Variants in SEC24A observed in about 807,000 individuals in gnomAD.
SEC24A encodes protein transport protein Sec24A.
A neutral mutation model predicts 129.4 loss-of-function variants in SEC24A; 93 were observed. That is an observed-to-expected ratio of 0.72 (90% confidence interval 0.61 to 0.85). The LOEUF (loss-of-function observed/expected upper bound fraction) is 0.85. SEC24A is among the 40% of genes least tolerant of loss of function. The probability of loss-of-function intolerance (pLI) is 0.00; values close to 1 mark genes in which losing one functional copy is unlikely to be tolerated. For missense variants in SEC24A, 1,264 were observed against 1,307.4 expected (o/e 0.97, Z 0.51); for synonymous variants, 460 against 467.3 (o/e 0.98, Z 0.20).
intron 3 of SEC24A, among the ~76,000 whole-genome samples, chr5:134,670,217 G>C (rs1272758246): frequency 1.3e-5 from 2 of 152,122 alleles, no homozygotes; most frequent in Non-Finnish European, 2.9e-5. Flanking sequence ...AAGCGTCCAC[G>C]CCTTGCCTAC....
chr5:134,726,903 G>A lies in SEC24A; in HGVS notation c.*1809G>A, dbSNP rs1054965597. On this transcript the variant is annotated 3_prime_UTR_variant, in exon 23 of 23. Transcript: ENST00000398844. ...TCCTTGTGCCTCACTACATCCCTAA[G>A]TGGGTATGACTCTTGTTATTACCAC... 6.6e-6 allele frequency: 1 copy of A among 151,996 alleles called. No individual in the cohort carries two copies. Among genetic ancestry groups the A allele is most frequent in the African/African-American group, 2.4e-5 (1 of 41,422 alleles). The allele number at this position is 151,996 out of a possible 1,614,324, so 9.4% of individuals were successfully genotyped here.
chr5:134,650,455 G>A (rs1218391152), intron 1 of SEC24A, among the ~76,000 whole-genome samples: 1 of 152,048 alleles, frequency 6.6e-6, no homozygotes, highest in East Asian at 1.9e-4. Flanking sequence ...ATGTTAAAGG[G>A]ATTTGACCAC....
intron 3 of SEC24A, among the ~76,000 whole-genome samples, chr5:134,671,225 A>G (rs1005103573): frequency 6.6e-6 from 1 of 151,400 alleles, no homozygotes; most frequent in African/African-American, 2.4e-5. Context: ...CACCCAGCTA[A>G]TTTTTTTTGT....
At position 134,676,128 on chromosome 5, in the gene SEC24A, A is replaced by G; in HGVS notation, c.1254+3A>G. ...TTCATCCTTTCAAAGACTTAGTGGT[A>G]TGTTTCTTTTCTTTTCTTTTTTTTT... On this transcript the variant is annotated splice_donor_region_variant and intron_variant, in intron 7 of 22. Transcript: ENST00000398844. 1 of 1,578,400 alleles carries G rather than the reference A, an allele frequency of 6.3e-7. No individual in the cohort carries two copies. Among genetic ancestry groups the G allele is most frequent in the Non-Finnish European group, 8.6e-7 (1 of 1,160,362 alleles).
rs929035776 is a variant in SEC24A at position 134,726,108 on chromosome 5, G to C, written c.*1014G>C. 6 of 152,468 alleles carry C rather than the reference G, an allele frequency of 3.9e-5. No individual in the cohort carries two copies. Among genetic ancestry groups the C allele is most frequent in the African/African-American group, 1.2e-4 (5 of 41,428 alleles). The allele number at this position is 152,468 out of a possible 1,614,324, so 9.4% of individuals were successfully genotyped here. A position where few individuals can be genotyped will look rare whatever the true frequency, so the allele number is the denominator to read the frequency against. On this transcript the variant is annotated 3_prime_UTR_variant, in exon 23 of 23. Transcript: ENST00000398844. ...GAAAATCTATGAAAGCATAAATGCT[G>C]CTGTTTGATTTGGTGGATATTAAGA...
At chr5:134,651,218 A>G (rs1038078314) in intron 1 of SEC24A, among the ~76,000 whole-genome samples, 1 of 149,198 alleles carries the variant, frequency 6.7e-6, no homozygotes, top group Non-Finnish European at 1.5e-5. Context: ...CAGCCTCCCC[A>G]GTAGCTAGAA....
intron 18 of SEC24A, among the ~76,000 whole-genome samples, chr5:134,711,848 C>T (rs544593852): frequency 9.9e-5 from 15 of 151,582 alleles, no homozygotes; most frequent in African/African-American, 2.9e-4. Flanking sequence ...CCCAGGTTCA[C>T]GCCATTCTCC....
chr5:134,673,248 G>T (rs569015192), intron 4 of SEC24A, among the ~76,000 whole-genome samples: 1 of 151,448 alleles, frequency 6.6e-6, no homozygotes, highest in South Asian at 2.1e-4. Context: ...TAGAGATAGG[G>T]TTTAACCACG....
chr5:134,669,437 A>G (rs1237701067), intron 3 of SEC24A, among the ~76,000 whole-genome samples: 1 of 151,868 alleles, frequency 6.6e-6, no homozygotes, highest in African/African-American at 2.4e-5. Flanking sequence ...AAGTGCTGGC[A>G]TTACAGGCGT....
At chr5:134,688,093 A>T in intron 10 of SEC24A, 88 bp from the exon 11 acceptor site, 1 of 800,492 alleles carries the variant, frequency 1.2e-6, no homozygotes, top group Non-Finnish European at 2.2e-6. Context: ...ATTGAATTAG[A>T]TATTTTCATG....
intron 3 of SEC24A, among the ~76,000 whole-genome samples, chr5:134,669,271 A>G (rs1411191144): frequency 2.0e-5 from 3 of 148,162 alleles, no homozygotes; most frequent in African/African-American, 5.0e-5. Context: ...GGTTCAAGTG[A>G]TTCTCCTGCC....
chr5:134,692,550 C>A, intron 11 of SEC24A, 52 bp from the exon 12 acceptor site: 1 of 946,042 alleles, frequency 1.1e-6, no homozygotes, highest in Non-Finnish European at 1.7e-6. Flanking sequence ...ATATTTGGCA[C>A]ACTTTTAATT....
chr5:134,704,312 C>T (rs760220177), intron 16 of SEC24A, among the ~76,000 whole-genome samples: 4 of 152,116 alleles, frequency 2.6e-5, no homozygotes, highest in Non-Finnish European at 4.4e-5. Context: ...TCGTGATCTG[C>T]CCGCCTCTGC....
chr5:134,703,846 A>G lies in SEC24A; in HGVS notation c.2354A>G (p.Tyr785Cys), dbSNP rs766882714. The change falls in exon 16 of 23, where the codon TAT (tyrosine) becomes TGT (cysteine). Residue 785 changes from tyrosine (Y) to cysteine (C), a missense_variant. By Grantham distance (194) the Tyr-to-Cys change is radical. Coordinates refer to ENST00000398844, the MANE Select transcript of SEC24A (RefSeq NM_021982.3). The stretch of plus-strand genomic sequence containing the variant: ...CCTAACGTCAACCCAGACGCTGGGT[A>G]TGCAGTACAGATGTCAGTGGAAGAG... ...SLPNVNPDAGYAVQMSVEESL... is the reference protein window; with the variant it reads ...SLPNVNPDAGCAVQMSVEESL... 3 of 1,612,040 alleles carry G rather than the reference A, an allele frequency of 1.9e-6. No individual in the cohort carries two copies. In the South Asian group the frequency reaches 3.3e-5, roughly 18 times the overall value.
intron 3 of SEC24A, 33 bp from the exon 4 acceptor site, chr5:134,671,776 A>G: frequency 7.9e-7 from 1 of 1,265,886 alleles, no homozygotes; most frequent in Non-Finnish European, 1.1e-6. Flanking sequence ...TAATCATTCT[A>G]ATTAAAATCT....
intron 15 of SEC24A, among the ~76,000 whole-genome samples, chr5:134,699,802 C>A (rs572550634): frequency 6.7e-6 from 1 of 149,856 alleles, no homozygotes; most frequent in African/African-American, 2.5e-5. Flanking sequence ...CAGGTTCAAG[C>A]AATTCTGCCT....
intron 21 of SEC24A, among the ~76,000 whole-genome samples, chr5:134,722,106 G>A (rs1302402690): frequency 1.3e-5 from 2 of 152,138 alleles, no homozygotes. Flanking sequence ...TATGCCCAAG[G>A]GGTACCTGCT....
rs115103125 is a variant in SEC24A, at chr5:134,675,107, T to C, written c.1041T>C (p.Gly347=). ...SMSGLSLQPE[G]LRVVNLLQER... ...GTGGATTAAGTCTACAACCAGAGGG[T>C]CTAAGAGTTGTCAATCTTCTTCAAG... The change falls in exon 6 of 23, where the codon GGT becomes GGC. Residue 347 remains glycine (G), a synonymous_variant. Transcript: ENST00000398844. 4.6e-4 allele frequency: 745 copies of C among 1,613,522 alleles called. 3 individuals are homozygous for C. In the African/African-American group the frequency reaches 9.1e-3, roughly 20 times the overall value.
chr5:134,726,540 C>T lies in SEC24A; in HGVS notation c.*1446C>T, dbSNP rs569248902. The T allele has an allele frequency of 6.6e-6, 1 of 152,470 alleles. No homozygotes were observed. The allele number at this position is 152,470 out of a possible 1,614,324, so 9.4% of individuals were successfully genotyped here. On this transcript the variant is annotated 3_prime_UTR_variant, in exon 23 of 23. Coordinates refer to ENST00000398844, the MANE Select transcript of SEC24A (RefSeq NM_021982.3). ...GTTTGGGATAGGGAAGAAGCAGTCC[C>T]TCTACAGTATACAACTACTGCTTGC...
Sources: gnomAD v4.1 joint callset for allele counts (sites outside exome capture counted in the v4.1 genomes callset) on GRCh38, gnomAD v4.1.1 for gene constraint, MANE v1.5 for transcripts, NCBI Gene and HGNC (gene_info 2026-07-23, HGNC 2026-07-21) for gene names.